Variants in MAGI1 observed in about 807,000 individuals in gnomAD.
MAGI1 encodes the protein membrane-associated guanylate kinase, WW and PDZ domain-containing protein 1.
Under a neutral mutation model 139.9 loss-of-function variants are expected in MAGI1, and 58 were observed. The ratio of observed to expected loss-of-function variants is 0.41; its 90% CI spans 0.34 to 0.52. MAGI1 has a LOEUF of 0.52. MAGI1 is among the 20% of genes least tolerant of loss of function. The pLI, the probability that MAGI1 is intolerant of heterozygous loss-of-function variation, is 0.12. For synonymous variants in MAGI1, 812 were observed against 737.9 expected, an observed-to-expected ratio of 1.10 and a Z score of -1.63; for missense variants, 1,874 against 1,901.6, an observed-to-expected ratio of 0.99 and a Z score of 0.27.
intron 2 of MAGI1, among the ~76,000 whole-genome samples, chr3:65,603,734 A>G (rs1576450483): frequency 6.6e-6 from 1 of 152,216 alleles, no homozygotes; most frequent in East Asian, 1.9e-4. Flanking sequence ...AAGAACAGAA[A>G]TGTATCATAG....
chr3:65,781,801 T>C lies in MAGI1; in HGVS notation c.314-159713A>G, dbSNP rs190202585. ...GTTTCTACTGATTCTCTCATTAATCTCCATCACCCTGACTCTGCAACTACG... is the reference window on the plus strand; with the variant it reads ...GTTTCTACTGATTCTCTCATTAATCCCCATCACCCTGACTCTGCAACTACG... On this transcript the variant is annotated intron_variant, in intron 1 of 22. Transcript: ENST00000402939. Among the ~76,000 whole-genome samples, 191 of 152,354 alleles carry C rather than the reference T, an allele frequency of 1.3e-3. 1 individual carries two copies. Among genetic ancestry groups the C allele is most frequent in the Admixed American group, 2.9e-3 (45 of 15,304 alleles).
chr3:65,865,201 C>A (rs898331899), intron 1 of MAGI1, among the ~76,000 whole-genome samples: 3 of 152,084 alleles, frequency 2.0e-5, no homozygotes, highest in African/African-American at 7.2e-5. Flanking sequence ...ATTCTCTGCC[C>A]TTTGATGGTA....
At chr3:66,021,918 T>C (rs1032789743) in intron 1 of MAGI1, among the ~76,000 whole-genome samples, 2 of 152,130 alleles carry the variant, frequency 1.3e-5, no homozygotes, top group Non-Finnish European at 1.5e-5. Flanking sequence ...GTGTTCAAAG[T>C]TGATGATTTT....
At chr3:65,394,183 G>A (rs1424766306) in intron 13 of MAGI1, among the ~76,000 whole-genome samples, 1 of 152,160 alleles carries the variant, frequency 6.6e-6, no homozygotes, top group African/African-American at 2.4e-5. Context: ...GGTTCCACCA[G>A]AAATAGAGAG....
In MAGI1 at chr3:66,038,429, G is replaced by A; in HGVS notation, c.-121C>T. ...TCTCTCCCCAAATCACAAAACAGGA[G>A]AGAGAAACTTGGCAGCCTCGCTCCC... On this transcript the variant is annotated 5_prime_UTR_variant, in exon 1 of 23. Transcript: ENST00000402939. 1.5e-6 allele frequency: 2 copies of A among 1,372,400 alleles called. No individual in the cohort carries two copies. Among genetic ancestry groups the A allele is most frequent in the Non-Finnish European group, 1.9e-6 (2 of 1,040,170 alleles). 85.0% of individuals were successfully genotyped at this position (1,372,400 alleles called of 1,614,324 possible).
intron 1 of MAGI1, among the ~76,000 whole-genome samples, chr3:65,901,373 G>GTGGTGACGAAATTGGCTGGAGA (rs2061226405): frequency 2.0e-5 from 3 of 152,208 alleles, no homozygotes; most frequent in Admixed American, 1.3e-4. Context: ...TGAGAGTCAC[G>GTGGTGACGAAATTGGCTGGAGA]TGGTGACGAA....
At chr3:66,023,727 T>A (rs549716674) in intron 1 of MAGI1, among the ~76,000 whole-genome samples, 1 of 152,182 alleles carries the variant, frequency 6.6e-6, no homozygotes, top group African/African-American at 2.4e-5. Flanking sequence ...CCTCCCTAAA[T>A]GGTATACATA....
At chr3:65,775,898 C>T (rs1398015483) in intron 1 of MAGI1, among the ~76,000 whole-genome samples, 1 of 149,972 alleles carries the variant, frequency 6.7e-6, no homozygotes, top group African/African-American at 2.5e-5. Context: ...GCCATGATCA[C>T]ATCACTGCAC....
chr3:65,867,334 C>A (rs1211864263), intron 1 of MAGI1, among the ~76,000 whole-genome samples: 1 of 152,182 alleles, frequency 6.6e-6, no homozygotes, highest in Non-Finnish European at 1.5e-5. Context: ...ACGCTGTTGG[C>A]AGCAGCATTT....
At chr3:65,756,102 G>A (rs2036542158) in intron 1 of MAGI1, among the ~76,000 whole-genome samples, 1 of 152,128 alleles carries the variant, frequency 6.6e-6, no homozygotes, top group African/African-American at 2.4e-5. Context: ...TATCGTGTCG[G>A]GGCTTATAGA....
intron 12 of MAGI1, among the ~76,000 whole-genome samples, chr3:65,422,943 TG>T (rs1015970465): frequency 2.6e-5 from 4 of 152,130 alleles, no homozygotes; most frequent in Admixed American, 1.3e-4. Flanking sequence ...CTTGATCTGA[TG>T]TACTTTAAAG....
Position 65,397,828 on chromosome 3 carries a change from G to A in MAGI1, c.2199+3611C>T, listed in dbSNP as rs140477827. On this transcript the variant is annotated intron_variant, in intron 13 of 22. Transcript: ENST00000402939. ...GCTCATCACACTTTAATCCCTATGA[G>A]GTGAGGATCTTTGTAGATCTGCCTG... 4.4e-4 allele frequency among the ~76,000 whole-genome samples: 67 copies of A among 152,210 alleles called. No individual in the cohort carries two copies. In the East Asian group the frequency reaches 0.01, roughly 23 times the overall value.
intron 12 of MAGI1, among the ~76,000 whole-genome samples, chr3:65,404,048 C>G (rs769574494): frequency 5.9e-5 from 9 of 152,180 alleles, no homozygotes; most frequent in Non-Finnish European, 1.2e-4. Flanking sequence ...TCCACACACT[C>G]AAACACATGT....
intron 1 of MAGI1, among the ~76,000 whole-genome samples, chr3:65,797,117 T>C (rs2040196802): frequency 6.6e-6 from 1 of 152,214 alleles, no homozygotes; most frequent in African/African-American, 2.4e-5. Flanking sequence ...TATTTGCTAG[T>C]CACTTTTAAG....
chr3:65,750,183 T>A, intron 1 of MAGI1, among the ~76,000 whole-genome samples: 1 of 152,120 alleles, frequency 6.6e-6, no homozygotes, highest in South Asian at 2.1e-4. Flanking sequence ...AAATAATAGT[T>A]TGGGACCCCA....
chr3:65,906,281 A>G (rs4688610), intron 1 of MAGI1, among the ~76,000 whole-genome samples: 16,987 of 152,252 alleles, frequency 0.11, 1,107 homozygotes, highest in East Asian at 0.22. Flanking sequence ...TAAAAGCTCC[A>G]TGAAGAAGGA....
At chr3:65,652,920 T>C (rs1158817504) in intron 1 of MAGI1, among the ~76,000 whole-genome samples, 1 of 152,138 alleles carries the variant, frequency 6.6e-6, no homozygotes, top group Non-Finnish European at 1.5e-5. Context: ...AAGAAAGCTA[T>C]AGTCCTGGCC....
intron 2 of MAGI1, among the ~76,000 whole-genome samples, chr3:65,600,441 C>A (rs1306831853): frequency 2.0e-5 from 3 of 152,162 alleles, no homozygotes; most frequent in Non-Finnish European, 4.4e-5. Flanking sequence ...GAAAAAGAGT[C>A]CATGAAAATC....
intron 1 of MAGI1, among the ~76,000 whole-genome samples, chr3:66,035,630 T>C (rs1265081663): frequency 6.6e-6 from 1 of 152,118 alleles, no homozygotes; most frequent in Non-Finnish European, 1.5e-5. Context: ...TTCCAGGCCA[T>C]TCAGGTTTCC....
Sources: gnomAD v4.1 joint callset for allele counts (sites outside exome capture counted in the v4.1 genomes callset) on GRCh38, gnomAD v4.1.1 for gene constraint, MANE v1.5 for transcripts, NCBI Gene and HGNC (gene_info 2026-07-23, HGNC 2026-07-21) for gene names.